GALNT18: variants seen among roughly 807,000 people sequenced by gnomAD.
GALNT18 encodes polypeptide N-acetylgalactosaminyltransferase 18, also known as GalNAc-transferase 18.
A neutral mutation model predicts 69.5 loss-of-function variants in GALNT18; 44 were observed. The observed-to-expected ratio is 0.63, with a 90% CI of 0.50 to 0.81. GALNT18 has a LOEUF of 0.81. GALNT18 is among the 40% of genes least tolerant of loss of function. The pLI is 0.00. For missense variants in GALNT18, 715 were observed against 810.0 expected, an observed-to-expected ratio of 0.88 and a Z score of 1.42; for synonymous variants, 364 against 318.2, an observed-to-expected ratio of 1.14 and a Z score of -1.53.
intron 9 of GALNT18, among the ~76,000 whole-genome samples, chr11:11,312,831 A>T (rs1281717899): frequency 6.6e-6 from 1 of 152,226 alleles, no homozygotes; most frequent in Non-Finnish European, 1.5e-5. Context: ...TTTAGGAAAC[A>T]GAGGTGCATT....
chr11:11,296,728 CAG>C (rs1849408128), intron 9 of GALNT18, among the ~76,000 whole-genome samples: 1 of 152,082 alleles, frequency 6.6e-6, no homozygotes, highest in Non-Finnish European at 1.5e-5. Context: ...TTTATTGCTC[CAG>C]AGTCTGGGAA....
At chr11:11,571,696 C>T (rs1023376408) in intron 1 of GALNT18, among the ~76,000 whole-genome samples, 2 of 152,090 alleles carry the variant, frequency 1.3e-5, no homozygotes, top group African/African-American at 4.8e-5. Context: ...TGTTTCAATC[C>T]TATTTAAATA....
chr11:11,611,153 T>C (rs1829137127), intron 1 of GALNT18, among the ~76,000 whole-genome samples: 1 of 152,240 alleles, frequency 6.6e-6, no homozygotes, highest in Admixed American at 6.5e-5. Flanking sequence ...GTAAGATTTT[T>C]GCTTACTTTT....
At chr11:11,427,432 G>A (rs535726576) in intron 3 of GALNT18, among the ~76,000 whole-genome samples, 2 of 152,300 alleles carry the variant, frequency 1.3e-5, no homozygotes, top group South Asian at 4.1e-4. Context: ...GCGCCAGCAT[G>A]CACGGAACCA....
At chr11:11,294,698 G>A (rs998416841) in intron 9 of GALNT18, among the ~76,000 whole-genome samples, 4 of 152,054 alleles carry the variant, frequency 2.6e-5, no homozygotes, top group Admixed American at 6.5e-5. Flanking sequence ...TGTAGTTTGG[G>A]TCTGGTCTAG....
In GALNT18 at chr11:11,562,949, G is replaced by T. The variant is rs922062875; in HGVS notation, c.235+58410C>A. 2.0e-5 allele frequency among the ~76,000 whole-genome samples: 3 copies of T among 152,100 alleles called. No homozygotes were observed. The highest frequency in any genetic ancestry group is 4.4e-5 in the Non-Finnish European group (3 of 68,036). ...CCCACAGCCCTCAAGTTCACAGATC[G>T]GAAGAGACTCCCAGGAACTACATGC... On this transcript the variant is annotated intron_variant, in intron 1 of 10. Transcript: ENST00000227756. The surrounding 1 kb of genome is among the most constrained non-coding windows in gnomAD (Gnocchi z 4.1).
At chr11:11,585,692 T>C (rs1458136027) in intron 1 of GALNT18, among the ~76,000 whole-genome samples, 1 of 151,996 alleles carries the variant, frequency 6.6e-6, no homozygotes, top group Admixed American at 6.6e-5. Flanking sequence ...AAACAACATA[T>C]CACAACAGGC....
At position 11,293,533 on chromosome 11, in the gene GALNT18, C is replaced by CTTTTTTTTTTTTTT. The variant is rs34166465; in HGVS notation, c.1513-354_1513-341dup. ...TTCTTCACCCAGTTTACAAACCCCT[C>CTTTTTTTTTTTTTT]TTTTTTTTTTTTTTTTTTTTTTTTG... On this transcript the variant is annotated intron_variant, in intron 9 of 10. Transcript: ENST00000227756. Among the ~76,000 whole-genome samples the CTTTTTTTTTTTTTT allele has an allele frequency of 3.7e-5, 3 of 80,188 alleles. 1 individual carries two copies. The highest frequency in any genetic ancestry group is 1.5e-4 in the African/African-American group (3 of 19,970). 52.6% of individuals were successfully genotyped at this position (80,188 alleles called of 152,430 possible).
chr11:11,354,658 A>G (rs1376009745), intron 6 of GALNT18, among the ~76,000 whole-genome samples: 1 of 152,190 alleles, frequency 6.6e-6, no homozygotes, highest in Admixed American at 6.5e-5. Flanking sequence ...ATAATATTCC[A>G]CTGATGATAA....
At chr11:11,440,631 A>G (rs1051774893) in intron 2 of GALNT18, among the ~76,000 whole-genome samples, 9 of 152,238 alleles carry the variant, frequency 5.9e-5, no homozygotes, top group Non-Finnish European at 1.2e-4. Context: ...CCTGTCCTGC[A>G]GTGCCTGTCT....
chr11:11,292,928 C>T, intron 10 of GALNT18, 101 bp downstream of exon 10: 1 of 1,114,740 alleles, frequency 9.0e-7, no homozygotes, highest in Non-Finnish European at 1.2e-6. Flanking sequence ...GTCTGTCTCT[C>T]CTTCCCCTTC....
intron 1 of GALNT18, among the ~76,000 whole-genome samples, chr11:11,594,848 T>TACAC (rs1554956013): frequency 0.053 from 6,078 of 114,022 alleles, 202 homozygotes; most frequent in Non-Finnish European, 0.074. Flanking sequence ...TATACACATA[T>TACAC]ACATACATAC....
intron 1 of GALNT18, among the ~76,000 whole-genome samples, chr11:11,508,034 T>C (rs143000367): frequency 3.9e-5 from 6 of 152,350 alleles, no homozygotes; most frequent in African/African-American, 1.4e-4. Flanking sequence ...CATAATACCA[T>C]ATGATACCCA....
Position 11,454,801 on chromosome 11 carries a change from G to C in GALNT18, c.236-5865C>G, listed in dbSNP as rs1338294051. On this transcript the variant is annotated intron_variant, in intron 1 of 10. Coordinates refer to ENST00000227756, the MANE Select transcript of GALNT18 (RefSeq NM_198516.3). This position sits in a 1 kb window ranked among gnomAD's most constrained non-coding sequence, Gnocchi z 4.2. ...CACGTTGATACCCATCTTCCCTCCT[G>C]AGTCTCCTCAGTCTCCAAGGTGCTC... Among the ~76,000 whole-genome samples, 2 of 152,108 alleles carry C rather than the reference G, an allele frequency of 1.3e-5. No individual in the cohort carries two copies. The highest frequency in any genetic ancestry group is 1.9e-4 in the East Asian group (1 of 5,188).
chr11:11,520,713 G>A (rs1308122415), intron 1 of GALNT18, among the ~76,000 whole-genome samples: 3 of 152,206 alleles, frequency 2.0e-5, no homozygotes, highest in Non-Finnish European at 2.9e-5. Context: ...TGCTGACCAC[G>A]ATGGGAGGGT....
chr11:11,481,618 C>T (rs1025614687), intron 1 of GALNT18, among the ~76,000 whole-genome samples: 6 of 152,174 alleles, frequency 3.9e-5, no homozygotes, highest in Non-Finnish European at 5.9e-5. Context: ...AGTTTCCCAG[C>T]ACTCTGGCCT....
rs11351706 is a variant in GALNT18 at position 11,337,961 on chromosome 11, ATTTTTTTTTT to A, written c.1278+2848_1278+2857del. Among the ~76,000 whole-genome samples the A allele has an allele frequency of 8.4e-6, 1 of 118,822 alleles. No homozygotes were observed. Among genetic ancestry groups the A allele is most frequent in the African/African-American group, 3.3e-5 (1 of 30,458 alleles). The allele number at this position is 118,822 out of a possible 152,430, so 78.0% of individuals were successfully genotyped here. ...TGTACATAGCAGGAGTCATTTAAAG[ATTTTTTTTTT>A]TTTTTTTTTTTTGAGACAGTCTCGC... On this transcript the variant is annotated intron_variant, in intron 7 of 10. Transcript: ENST00000227756. The surrounding 1 kb of genome is among the most constrained non-coding windows in gnomAD (Gnocchi z 4.9).
chr11:11,536,270 G>A (rs1271737816), intron 1 of GALNT18, among the ~76,000 whole-genome samples: 2 of 152,216 alleles, frequency 1.3e-5, no homozygotes, highest in African/African-American at 4.8e-5. Flanking sequence ...ACAGCTCAGT[G>A]ACATAGGTAC....
chr11:11,370,766 A>G (rs1850883498), intron 6 of GALNT18, among the ~76,000 whole-genome samples: 1 of 152,210 alleles, frequency 6.6e-6, no homozygotes, highest in South Asian at 2.1e-4. Context: ...TGACTGACTC[A>G]CACACATGCT....
Sources: gnomAD v4.1 joint callset for allele counts (sites outside exome capture counted in the v4.1 genomes callset) on GRCh38, gnomAD v4.1.1 for gene constraint, Gnocchi (gnomAD v3.1) non-coding constraint, MANE v1.5 for transcripts, NCBI Gene and HGNC (gene_info 2026-07-23, HGNC 2026-07-21) for gene names.